The following GRID2 variants were observed in gnomAD, a reference collection of about 807,000 sequenced individuals.
GRID2 encodes glutamate ionotropic receptor delta type subunit 2, also known as glutamate receptor ionotropic, delta-2.
In GRID2, 33 loss-of-function variants were observed where a neutral mutation model predicts 114.8. That is an observed-to-expected ratio of 0.29 (90% CI 0.22 to 0.38). The LOEUF (loss-of-function observed/expected upper bound fraction) is 0.38. Ranked by LOEUF, GRID2 falls within the 10% of genes least tolerant of loss-of-function variation. The pLI is 1.00. For missense variants in GRID2, 1,184 were observed against 1,257.7 expected (o/e 0.94, Z 0.89); for synonymous variants, 505 against 449.9 (o/e 1.12, Z -1.55).
intron 2 of GRID2, among the ~76,000 whole-genome samples, chr4:92,994,428 C>A (rs1435459514): frequency 1.3e-5 from 2 of 152,088 alleles, no homozygotes; most frequent in Non-Finnish European, 2.9e-5. Flanking sequence ...TCTTGGCTCA[C>A]TGCAACCTCT....
At chr4:93,542,279 T>G (rs1732725984) in intron 13 of GRID2, among the ~76,000 whole-genome samples, 1 of 152,108 alleles carries the variant, frequency 6.6e-6, no homozygotes, top group Admixed American at 6.6e-5. Flanking sequence ...TTGAGTAAAA[T>G]ATTTTACTAT....
chr4:92,647,149 TTATCTCCTTGTG>T (rs1332380082), intron 2 of GRID2, among the ~76,000 whole-genome samples: 1 of 152,200 alleles, frequency 6.6e-6, no homozygotes, highest in African/African-American at 2.4e-5. Context: ...ATAACTTACT[TTATCTCCTTGTG>T]TATCTCCTTG....
intron 2 of GRID2, among the ~76,000 whole-genome samples, chr4:93,044,761 G>A (rs182909267): frequency 8.0e-4 from 121 of 152,178 alleles, no homozygotes; most frequent in African/African-American, 2.6e-3. Context: ...TAACCTCATG[G>A]CCTGGAAGAG....
At chr4:93,315,434 A>G (rs1439873485) in intron 8 of GRID2, among the ~76,000 whole-genome samples, 1 of 152,042 alleles carries the variant, frequency 6.6e-6, no homozygotes, top group Non-Finnish European at 1.5e-5. Context: ...CCACCATTCT[A>G]TTCTGTTTCT....
At chr4:93,208,571 T>C (rs1191345576) in intron 5 of GRID2, among the ~76,000 whole-genome samples, 2 of 152,010 alleles carry the variant, frequency 1.3e-5, no homozygotes, top group African/African-American at 4.8e-5. Context: ...ATGAGGTCCA[T>C]AGAGAATAAA....
chr4:93,701,709 G>T (rs1350966881), intron 14 of GRID2, among the ~76,000 whole-genome samples: 1 of 151,912 alleles, frequency 6.6e-6, no homozygotes, highest in East Asian at 1.9e-4. Flanking sequence ...TATATAAAAG[G>T]CAGGTGTGGT....
intron 3 of GRID2, among the ~76,000 whole-genome samples, chr4:93,095,760 AAAT>A (rs1731165193): frequency 6.6e-6 from 1 of 152,032 alleles, no homozygotes; most frequent in African/African-American, 2.4e-5. Flanking sequence ...AAGAAGAACT[AAAT>A]AATGGAGAGA....
chr4:93,645,306 G>A (rs1483653575), intron 14 of GRID2, among the ~76,000 whole-genome samples: 1 of 152,108 alleles, frequency 6.6e-6, no homozygotes, highest in East Asian at 1.9e-4. Context: ...GAGTGAAAGT[G>A]CTAATTTTGG....
At chr4:93,236,381 T>A (rs1746798902) in intron 7 of GRID2, among the ~76,000 whole-genome samples, 1 of 152,048 alleles carries the variant, frequency 6.6e-6, no homozygotes, top group Non-Finnish European at 1.5e-5. Flanking sequence ...AAATGCTGAT[T>A]CGGTCTCCAA....
At chr4:93,770,391 A>G (rs113791037) in intron 15 of GRID2, among the ~76,000 whole-genome samples, 132 of 152,338 alleles carry the variant, frequency 8.7e-4, no homozygotes, top group African/African-American at 3.1e-3. Context: ...GAAAGGATCT[A>G]CTTTAATGCA....
chr4:92,616,337 A>G (rs1393435508), intron 2 of GRID2, among the ~76,000 whole-genome samples: 1 of 151,330 alleles, frequency 6.6e-6, no homozygotes, highest in Non-Finnish European at 1.5e-5. Flanking sequence ...CTTGTAAAAC[A>G]TCAGCTGCTA....
At chr4:92,446,867 T>G (rs1733499701) in intron 1 of GRID2, among the ~76,000 whole-genome samples, 1 of 152,220 alleles carries the variant, frequency 6.6e-6, no homozygotes, top group Non-Finnish European at 1.5e-5. Context: ...AAGTTTTACC[T>G]GATAACCTTC....
At chr4:92,870,145 G>A (rs991651960) in intron 2 of GRID2, among the ~76,000 whole-genome samples, 2 of 151,930 alleles carry the variant, frequency 1.3e-5, no homozygotes, top group Non-Finnish European at 2.9e-5. Context: ...AGTTTGTGGT[G>A]AGCTGTGATC....
intron 2 of GRID2, among the ~76,000 whole-genome samples, chr4:92,826,491 C>T (rs1417951483): frequency 1.3e-5 from 2 of 152,072 alleles, no homozygotes; most frequent in Admixed American, 6.6e-5. Context: ...CATTTGTGGT[C>T]TGTTATTCCC....
intron 1 of GRID2, among the ~76,000 whole-genome samples, chr4:93,795,348 A>T (rs1348243443): frequency 1.3e-5 from 2 of 151,894 alleles, no homozygotes; most frequent in African/African-American, 2.4e-5. Context: ...AGTGTGTATT[A>T]TATATATGTT....
chr4:93,010,163 A>C (rs892239483), intron 2 of GRID2, among the ~76,000 whole-genome samples: 1 of 152,074 alleles, frequency 6.6e-6, no homozygotes. Flanking sequence ...TTACTTAAAA[A>C]AATTTTTTTT....
chr4:92,532,158 A>C (rs1355583297), intron 1 of GRID2, among the ~76,000 whole-genome samples: 1 of 152,118 alleles, frequency 6.6e-6, no homozygotes, highest in Non-Finnish European at 1.5e-5. Flanking sequence ...CATGTAGTTC[A>C]GTTAGAGTTT....
intron 4 of GRID2, among the ~76,000 whole-genome samples, chr4:93,193,400 C>T (rs1398004734): frequency 1.3e-5 from 2 of 151,946 alleles, no homozygotes; most frequent in Admixed American, 6.6e-5. Context: ...TCAATTACCC[C>T]CATGCTGCTG....
At chr4:93,632,862 T>C (rs1445381268) in intron 14 of GRID2, among the ~76,000 whole-genome samples, 1 of 152,180 alleles carries the variant, frequency 6.6e-6, no homozygotes, top group African/African-American at 2.4e-5. Context: ...TGGAATGTTC[T>C]TCCATTTGTT....
Sources: allele counts gnomAD v4.1 joint callset (sites outside exome capture counted in the v4.1 genomes callset), GRCh38; gene constraint gnomAD v4.1.1; transcripts MANE v1.5; gene names NCBI Gene and HGNC (gene_info 2026-07-23, HGNC 2026-07-21).